HSPA12A: variants seen among roughly 807,000 people sequenced by gnomAD.
The protein encoded by HSPA12A is heat shock 70 kDa protein 12A.
In HSPA12A, 28 loss-of-function variants were observed where a neutral mutation model predicts 69.2. The observed-to-expected ratio is 0.40, with a 90% confidence interval of 0.30 to 0.55. The LOEUF is 0.55. HSPA12A is among the 20% of genes least tolerant of loss of function. The pLI is 0.38. For missense variants in HSPA12A, 686 were observed against 900.7 expected, an observed-to-expected ratio of 0.76 and a Z score of 3.05; for synonymous variants, 345 against 370.5, an observed-to-expected ratio of 0.93 and a Z score of 0.79.
chr10:116,763,661 C>T (rs1040291546), intron 2 of HSPA12A, among the ~76,000 whole-genome samples: 4 of 152,144 alleles, frequency 2.6e-5, no homozygotes, highest in African/African-American at 9.7e-5. Flanking sequence ...AACTTGGGGC[C>T]ATCTCCAGGC....
intron 1 of HSPA12A, 137 bp downstream of exon 1, chr10:116,742,293 G>T: frequency 1.0e-6 from 1 of 956,604 alleles, no homozygotes; most frequent in Non-Finnish European, 1.4e-6. Flanking sequence ...CCCCGGCCCC[G>T]CCCGCCAGAA....
intron 9 of HSPA12A, among the ~76,000 whole-genome samples, chr10:116,680,134 C>T (rs2133363567): frequency 6.6e-6 from 1 of 152,106 alleles, no homozygotes; most frequent in Admixed American, 6.5e-5. Flanking sequence ...GAGATACAGG[C>T]ACGCACCACC....
intron 1 of HSPA12A, among the ~76,000 whole-genome samples, chr10:116,843,420 TAAC>T (rs1845833717): frequency 6.6e-6 from 1 of 152,236 alleles, no homozygotes; most frequent in East Asian, 1.9e-4. Flanking sequence ...TTCTTGGTCA[TAAC>T]ACCACCATTT....
intron 2 of HSPA12A, among the ~76,000 whole-genome samples, chr10:116,759,801 G>A (rs1339807708): frequency 2.6e-5 from 4 of 152,080 alleles, no homozygotes; most frequent in Non-Finnish European, 4.4e-5. Context: ...CCTGGTGGGA[G>A]GTAATTGAAT....
upstream of HSPA12A, among the ~76,000 whole-genome samples, chr10:116,743,634 C>T (rs1554887570): frequency 6.6e-6 from 1 of 152,200 alleles, no homozygotes; most frequent in Non-Finnish European, 1.5e-5. Flanking sequence ...TGGCATTTCC[C>T]AAAGATCACC....
intron 1 of HSPA12A, among the ~76,000 whole-genome samples, chr10:116,717,474 C>T (rs1477230485): frequency 6.6e-6 from 1 of 152,008 alleles, no homozygotes; most frequent in Non-Finnish European, 1.5e-5. Flanking sequence ...CTCTCAAATC[C>T]GAAGATCCAG....
chr10:116,685,538 G>C (rs1308912454), intron 6 of HSPA12A, among the ~76,000 whole-genome samples: 3 of 151,852 alleles, frequency 2.0e-5, no homozygotes, highest in Non-Finnish European at 2.9e-5. Flanking sequence ...GGGAGGCTGA[G>C]GCAGGAGAAA....
intron 9 of HSPA12A, 52 bp from the exon 10 acceptor site, chr10:116,679,813 C>T (rs1250168157): frequency 1.3e-6 from 2 of 1,587,702 alleles, no homozygotes; most frequent in African/African-American, 2.7e-5. Context: ...ATTAGAAACC[C>T]AATCCAGACT....
chr10:116,742,553 C>G lies in HSPA12A; in HGVS notation c.-84G>C. ...GTCTCTGTCCGCGTCCGCGGCGGCG[C>G]TCGGGCCGTGTCTGAGCCGCCGGGC... On this transcript the variant is annotated 5_prime_UTR_variant, in exon 1 of 12. Transcript: ENST00000369209. 1.7e-6 allele frequency: 2 copies of G among 1,171,136 alleles called. No individual in the cohort carries two copies. Among genetic ancestry groups the G allele is most frequent in the Non-Finnish European group, 2.1e-6 (2 of 949,348 alleles). The allele number at this position is 1,171,136 out of a possible 1,614,324, so 72.5% of individuals were successfully genotyped here.
At chr10:116,781,647 G>A (rs1399032403) in intron 2 of HSPA12A, among the ~76,000 whole-genome samples, 2 of 152,058 alleles carry the variant, frequency 1.3e-5, no homozygotes, top group Non-Finnish European at 2.9e-5. Context: ...CTTAATTGTC[G>A]CTAAAAGGAT....
intron 1 of HSPA12A, among the ~76,000 whole-genome samples, chr10:116,737,999 T>C (rs1554886595): frequency 6.6e-6 from 1 of 152,182 alleles, no homozygotes; most frequent in African/African-American, 2.4e-5. Context: ...GCTCACTCAT[T>C]CCCTGCCACA....
At chr10:116,811,378 G>C (rs947475869) in intron 2 of HSPA12A, among the ~76,000 whole-genome samples, 6 of 151,662 alleles carry the variant, frequency 4.0e-5, no homozygotes, top group Non-Finnish European at 8.8e-5. Flanking sequence ...CTGGCCCCCA[G>C]GCCACCTCCG....
intron 10 of HSPA12A, among the ~76,000 whole-genome samples, chr10:116,678,816 T>TG (rs1554878182): frequency 6.6e-6 from 1 of 152,118 alleles, no homozygotes; most frequent in Non-Finnish European, 1.5e-5. Flanking sequence ...AGCTGGACAA[T>TG]GGGGTATTTT....
chr10:116,842,743 C>T (rs959856641), intron 1 of HSPA12A, among the ~76,000 whole-genome samples: 1 of 152,280 alleles, frequency 6.6e-6, no homozygotes, highest in East Asian at 1.9e-4. Context: ...GCTGGGATTA[C>T]AGGCACCCAC....
chr10:116,804,080 C>T (rs934362151), intron 2 of HSPA12A, among the ~76,000 whole-genome samples: 2 of 152,186 alleles, frequency 1.3e-5, no homozygotes, highest in East Asian at 1.9e-4. Context: ...CAGCTCCCTA[C>T]GGTCGACAGG....
intron 2 of HSPA12A, among the ~76,000 whole-genome samples, chr10:116,797,994 A>T (rs1844868282): frequency 1.3e-5 from 2 of 152,154 alleles, no homozygotes; most frequent in Admixed American, 1.3e-4. Context: ...ATGGGAACAC[A>T]GCCATGGGAA....
At chr10:116,711,410 TG>T (rs1469972586) in intron 1 of HSPA12A, among the ~76,000 whole-genome samples, 1 of 152,192 alleles carries the variant, frequency 6.6e-6, no homozygotes, top group African/African-American at 2.4e-5. Context: ...CAGACCCTTC[TG>T]TGGAGGTAGA....
Position 116,698,718 on chromosome 10 carries a change from G to C in HSPA12A, c.463C>G (p.Leu155Val). 1 of 1,614,032 alleles carries C rather than the reference G, an allele frequency of 6.2e-7. No individual in the cohort carries two copies. The highest frequency in any genetic ancestry group is 8.5e-7 in the Non-Finnish European group (1 of 1,179,874). The change falls in exon 5 of 12, where the codon CTG (leucine) becomes GTG (valine). Residue 155 changes from leucine (L) to valine (V), a missense_variant. Coordinates refer to ENST00000369209, the MANE Select transcript of HSPA12A (RefSeq NM_025015.3). Reference sequence around the variant, plus strand: ...ACTTTCTTGCCATTTGCTGCCGTCAGGTCTGTATCCATGGTGAGGTCCTGG... The same window carrying C: ...ACTTTCTTGCCATTTGCTGCCGTCACGTCTGTATCCATGGTGAGGTCCTGG... ...TTGDLTMDTD[L>V]TAANGKKVKA...
At chr10:116,713,490 C>T (rs1850510086) in intron 1 of HSPA12A, among the ~76,000 whole-genome samples, 1 of 152,140 alleles carries the variant, frequency 6.6e-6, no homozygotes, top group African/African-American at 2.4e-5. Flanking sequence ...AAGTTGGGGG[C>T]AGCATCAGGC....
Sources: gnomAD v4.1 joint callset for allele counts (sites outside exome capture counted in the v4.1 genomes callset) on GRCh38, gnomAD v4.1.1 for gene constraint, MANE v1.5 for transcripts, NCBI Gene and HGNC (gene_info 2026-07-23, HGNC 2026-07-21) for gene names.